ASGR2: variants seen among roughly 807,000 people sequenced by gnomAD.
The protein encoded by ASGR2 is asialoglycoprotein receptor 2, also known as C-type lectin domain family 4 member H2.
In ASGR2, 34 loss-of-function variants were observed where a neutral mutation model predicts 32.3. That is an observed-to-expected ratio of 1.05 (90% CI 0.80 to 1.40). The LOEUF (loss-of-function observed/expected upper bound fraction) is 1.40, where lower values mean the gene tolerates loss of function less well. ASGR2 is among the 40% of genes most tolerant of loss of function. The pLI is 0.00. For synonymous variants in ASGR2, 143 were observed against 150.0 expected (o/e 0.95, Z 0.34); for missense variants, 385 against 386.4 (o/e 1.00, Z 0.03).
Position 7,107,019 on chromosome 17 carries a change from A to G in ASGR2, c.629T>C (p.Ile210Thr). ...CQLENAHLVV[I>T]NSWEEQKFIV... Reference sequence around the variant, plus strand: ...CCTCACCTGCTCCTCCCAGGAGTTGATGACCACCAGGTGTGCGTTCTCCAG... The same window carrying G: ...CCTCACCTGCTCCTCCCAGGAGTTGGTGACCACCAGGTGTGCGTTCTCCAG... Residue 210 changes from isoleucine to threonine, a missense_variant, in exon 7 of 9, where the codon ATC (isoleucine) becomes ACC (threonine). By Grantham distance (89) the Ile-to-Thr change is moderately conservative. Coordinates refer to ENST00000691900, the MANE Select transcript of ASGR2 (RefSeq NM_001201352.2). This position sits in a 1 kb window ranked among gnomAD's most constrained non-coding sequence, Gnocchi z 5.0. The G allele has an allele frequency of 6.2e-7, 1 of 1,614,084 alleles. No homozygotes were observed. Among genetic ancestry groups the G allele is most frequent in the Non-Finnish European group, 8.5e-7 (1 of 1,180,016 alleles).
Position 7,114,301 on chromosome 17 carries a change from A to AGGGCTG in ASGR2, c.-67_-62dup. 3 of 1,354,552 alleles carry AGGGCTG rather than the reference A, an allele frequency of 2.2e-6. No homozygotes were observed. The highest frequency in any genetic ancestry group is 2.7e-4 in the Middle Eastern group (1 of 3,674). The allele number at this position is 1,354,552 out of a possible 1,614,324, so 83.9% of individuals were successfully genotyped here. A position where few individuals can be genotyped will look rare whatever the true frequency, so the allele number is the denominator to read the frequency against. On this transcript the variant is annotated 5_prime_UTR_variant, in exon 2 of 9. Transcript: ENST00000691900. The surrounding 1 kb of genome is among the most constrained non-coding windows in gnomAD (Gnocchi z 4.5). ...GCTGGGCTGGGCTGAGGTTGCTCTG[A>AGGGCTG]GGGCTGGGGCTGGGGCAGAGGTGCA...
chr17:7,112,365 G>A (rs1258117916), intron 2 of ASGR2, among the ~76,000 whole-genome samples: 1 of 151,870 alleles, frequency 6.6e-6, no homozygotes, highest in Admixed American at 6.6e-5. Flanking sequence ...GGAGGGAAAT[G>A]CGGTGACTTT....
At chr17:7,104,131 C>G (rs534373854) in intron 7 of ASGR2, among the ~76,000 whole-genome samples, 19 of 151,712 alleles carry the variant, frequency 1.3e-4, no homozygotes, top group African/African-American at 4.6e-4. Flanking sequence ...GGTGAATCAC[C>G]TGAGATCGGG....
intron 7 of ASGR2, among the ~76,000 whole-genome samples, chr17:7,104,975 CA>C (rs58174053): frequency 0.14 from 18,018 of 127,528 alleles, 1,409 homozygotes; most frequent in African/African-American, 0.26. Flanking sequence ...GACTCCATCT[CA>C]AAAAAAAAAA....
chr17:7,104,766 G>A (rs980092506), intron 7 of ASGR2, among the ~76,000 whole-genome samples: 3 of 151,950 alleles, frequency 2.0e-5, no homozygotes, highest in Non-Finnish European at 2.9e-5. Flanking sequence ...CACGAGGTCA[G>A]GAGTTCAAGA....
Position 7,113,999 on chromosome 17 carries a change from G to A in ASGR2, c.124+118C>T. 6.9e-7 allele frequency: 1 copy of A among 1,446,758 alleles called. No homozygotes were observed. The highest frequency in any genetic ancestry group is 9.3e-7 in the Non-Finnish European group (1 of 1,069,588). 89.6% of individuals were successfully genotyped at this position (1,446,758 alleles called of 1,614,324 possible). A position where few individuals can be genotyped will look rare whatever the true frequency, so the allele number is the denominator to read the frequency against. On this transcript the variant is annotated intron_variant, in intron 2 of 8. Coordinates refer to ENST00000691900, the MANE Select transcript of ASGR2 (RefSeq NM_001201352.2). The surrounding 1 kb of genome is among the most constrained non-coding windows in gnomAD (Gnocchi z 5.1). ...AAGGTGAGGTGAGGGAACAAGCGGG[G>A]GTGTCGGGCCCTCCTCAGTCCCTGT...
At chr17:7,109,154 A>T (rs183412714) in intron 2 of ASGR2, among the ~76,000 whole-genome samples, 22 of 151,816 alleles carry the variant, frequency 1.4e-4, no homozygotes, top group African/African-American at 4.8e-4. Flanking sequence ...TATTCACATC[A>T]GCTGTGTGCA....
chr17:7,101,782 A>G, intron 8 of ASGR2, 42 bp from the exon 9 acceptor site: 1 of 1,597,334 alleles, frequency 6.3e-7, no homozygotes, highest in Non-Finnish European at 8.5e-7. Context: ...CACGGTGGTG[A>G]GAAAGCGACT....
chr17:7,101,996 T>A (rs1193601459), intron 8 of ASGR2, 94 bp downstream of exon 8: 16 of 1,297,472 alleles, frequency 1.2e-5, no homozygotes, highest in Non-Finnish European at 1.8e-5. Context: ...GGGAATTTGG[T>A]CCCTGAGGGA....
chr17:7,112,123 C>A, intron 2 of ASGR2, among the ~76,000 whole-genome samples: 1 of 90,910 alleles, frequency 1.1e-5, no homozygotes, highest in African/African-American at 4.3e-5. Flanking sequence ...ACTTAATGAA[C>A]AGCAATAACT....
intron 7 of ASGR2, among the ~76,000 whole-genome samples, chr17:7,102,988 CCCT>C (rs1913077668): frequency 6.6e-6 from 1 of 152,146 alleles, no homozygotes; most frequent in Non-Finnish European, 1.5e-5. Context: ...GCACGGTAGC[CCCT>C]CCAAGTGGCT....
At chr17:7,104,369 A>T (rs1913312659) in intron 7 of ASGR2, among the ~76,000 whole-genome samples, 1 of 149,520 alleles carries the variant, frequency 6.7e-6, no homozygotes, top group South Asian at 2.1e-4. Flanking sequence ...AAAAAAAAAA[A>T]AGCCAGGCGT....
chr17:7,108,312 C>T lies in ASGR2; in HGVS notation c.337+150G>A. The T allele has an allele frequency of 1.3e-6, 1 of 796,772 alleles. No homozygotes were observed. Among genetic ancestry groups the T allele is most frequent in the South Asian group, 1.8e-5 (1 of 55,294 alleles). 49.4% of individuals were successfully genotyped at this position (796,772 alleles called of 1,614,324 possible). ...CTGGCACTAACCTCGTCCGTCCCCACCTGCCTCCCTCCTATACATCCCCCA... is the reference window on the plus strand; with the variant it reads ...CTGGCACTAACCTCGTCCGTCCCCATCTGCCTCCCTCCTATACATCCCCCA... On this transcript the variant is annotated intron_variant, in intron 4 of 8. Coordinates refer to ENST00000691900, the MANE Select transcript of ASGR2 (RefSeq NM_001201352.2). This position sits in a 1 kb window ranked among gnomAD's most constrained non-coding sequence, Gnocchi z 4.9.
At position 7,114,216 on chromosome 17, in the gene ASGR2, G is replaced by A. The variant is rs1915179812; in HGVS notation, c.25C>T (p.Gln9Ter). 6.2e-7 allele frequency: 1 copy of A among 1,614,170 alleles called. No homozygotes were observed. Among genetic ancestry groups the A allele is most frequent in the Non-Finnish European group, 8.5e-7 (1 of 1,180,034 alleles). The part of the protein sequence containing the change: MAKDFQDI[Q>*]QLSSEENDHP... ...TCATTTTCCTCCGAGCTCAGCTGCT[G>A]GATATCTTGAAAGTCCTTGGCCATG... Residue 9 changes from glutamine to a stop codon, truncating the protein, a stop_gained, in exon 2 of 9, where the codon CAG (glutamine) becomes TAG (stop). Coordinates refer to ENST00000691900, the MANE Select transcript of ASGR2 (RefSeq NM_001201352.2). LOFTEE classifies it high-confidence loss of function. The surrounding 1 kb of genome is among the most constrained non-coding windows in gnomAD (Gnocchi z 4.5).
rs1215364660 is a variant in ASGR2, at chr17:7,114,349, G to A, written c.-70-39C>T. ...GCAGATTCACGTGGAGGTTGATGGT[G>A]GGATGGAACGCAGGGTCGGAGGGGT... On this transcript the variant is annotated intron_variant, in intron 1 of 8. Coordinates refer to ENST00000691900, the MANE Select transcript of ASGR2 (RefSeq NM_001201352.2). The surrounding 1 kb of genome is among the most constrained non-coding windows in gnomAD (Gnocchi z 4.5). 6.7e-7 allele frequency: 1 copy of A among 1,499,296 alleles called. No individual in the cohort carries two copies. Among genetic ancestry groups the A allele is most frequent in the Non-Finnish European group, 8.9e-7 (1 of 1,128,338 alleles). The allele number at this position is 1,499,296 out of a possible 1,614,324, so 92.9% of individuals were successfully genotyped here.
At chr17:7,110,541 C>A (rs979324792) in intron 2 of ASGR2, among the ~76,000 whole-genome samples, 1 of 152,200 alleles carries the variant, frequency 6.6e-6, no homozygotes, top group African/African-American at 2.4e-5. Flanking sequence ...GGTAGCCCAG[C>A]TGTGCCTCCA....
At chr17:7,102,248 C>T (rs1464236068) in intron 7 of ASGR2, 52 bp from the exon 8 acceptor site, 1 of 1,482,952 alleles carries the variant, frequency 6.7e-7, no homozygotes, top group Non-Finnish European at 9.4e-7. Flanking sequence ...CTTTCTCCTC[C>T]CTCCATGCAG....
In ASGR2 at chr17:7,108,935, C is replaced by T. The variant is rs146261845; in HGVS notation, c.125-47G>A. The T allele has an allele frequency of 5.8e-3, 8,863 of 1,517,896 alleles. 31 individuals are homozygous for T. Among genetic ancestry groups the T allele is most frequent in the Non-Finnish European group, 7.2e-3 (8,184 of 1,130,980 alleles). The allele number at this position is 1,517,896 out of a possible 1,614,324, so 94.0% of individuals were successfully genotyped here. On this transcript the variant is annotated intron_variant, in intron 2 of 8. Transcript: ENST00000691900. This position sits in a 1 kb window ranked among gnomAD's most constrained non-coding sequence, Gnocchi z 4.9. Reference sequence around the variant, plus strand: ...AGCCGGCAGCCTGGGTGTGGGGAGCCGGAGGGTAAAGACAGGGCACCGAAG... The same window carrying T: ...AGCCGGCAGCCTGGGTGTGGGGAGCTGGAGGGTAAAGACAGGGCACCGAAG...
At chr17:7,115,056 G>C, upstream of ASGR2, 1 of 961,216 alleles carries the variant, frequency 1.0e-6, no homozygotes, top group Non-Finnish European at 1.2e-6. The surrounding 1 kb of genome is among the most constrained non-coding windows in gnomAD (Gnocchi z 4.2). Flanking sequence ...GAATTTACCA[G>C]AACTGTGGGT....
Sources: allele counts gnomAD v4.1 joint callset (sites outside exome capture counted in the v4.1 genomes callset), GRCh38; gene constraint gnomAD v4.1.1; non-coding constraint Gnocchi (gnomAD v3.1); transcripts MANE v1.5; gene names NCBI Gene and HGNC (gene_info 2026-07-23, HGNC 2026-07-21).